Variants in DCAF6 observed in about 807,000 individuals in gnomAD.
DCAF6 encodes DDB1 and CUL4 associated factor 6, also known as DDB1- and CUL4-associated factor 6.
In DCAF6, 54 loss-of-function variants were observed where a neutral mutation model predicts 125.1. The ratio of observed to expected loss-of-function variants is 0.43; its 90% confidence interval spans 0.35 to 0.54. The LOEUF is 0.54. DCAF6 is among the 20% of genes least tolerant of loss of function. The pLI is 0.01. For synonymous variants in DCAF6, 371 were observed against 390.4 expected, an observed-to-expected ratio of 0.95 and a Z score of 0.58; for missense variants, 934 against 1,161.7, an observed-to-expected ratio of 0.80 and a Z score of 2.85.
chr1:167,946,324 G>A (rs1673087607), intron 1 of DCAF6, among the ~76,000 whole-genome samples: 2 of 152,244 alleles, frequency 1.3e-5, no homozygotes, highest in South Asian at 4.1e-4. Flanking sequence ...AGGAAACAGG[G>A]ATAATTTGAC....
At chr1:167,918,349 C>A in the DCAF6 span, 1 of 1,554,986 alleles carries the variant, frequency 6.4e-7, no homozygotes, top group South Asian at 1.1e-5. Flanking sequence ...GCTTTTAGTT[C>A]TTGGTTATAT....
At chr1:168,074,237 G>T (rs1013012705) in intron 21 of DCAF6, among the ~76,000 whole-genome samples, 1 of 151,910 alleles carries the variant, frequency 6.6e-6, no homozygotes, top group Non-Finnish European at 1.5e-5. Context: ...GATCCAGTGG[G>T]AGCATTTAAT....
At chr1:167,896,867 T>C in the DCAF6 span, among the ~76,000 whole-genome samples, 2 of 152,214 alleles carry the variant, frequency 1.3e-5, no homozygotes, top group Non-Finnish European at 2.9e-5. Flanking sequence ...CTAAAAAATC[T>C]TTCCAATTAC....
chr1:167,936,082 G>A, upstream of DCAF6: 2 of 565,014 alleles, frequency 3.5e-6, no homozygotes, highest in Non-Finnish European at 6.4e-6. Context: ...TCCGGCCCCC[G>A]GCAGGAGAGA....
chr1:167,870,518 C>A, the DCAF6 span: 6 of 988,320 alleles, frequency 6.1e-6, no homozygotes, highest in South Asian at 1.4e-5. Context: ...TTGGGCCAGG[C>A]GCTGTGGCTC....
the DCAF6 span, among the ~76,000 whole-genome samples, chr1:167,885,442 C>T: frequency 0.17 from 25,308 of 152,138 alleles, 2,561 homozygotes; most frequent in South Asian, 0.31. Context: ...CACATCCTGT[C>T]CAGCGTTTGT....
At chr1:167,993,755 AAAC>A (rs34875817) in intron 7 of DCAF6, among the ~76,000 whole-genome samples, 35 of 151,644 alleles carry the variant, frequency 2.3e-4, no homozygotes, top group East Asian at 3.9e-4. Context: ...GTCTCAGAAA[AAAC>A]AACAACAACA....
intron 7 of DCAF6, among the ~76,000 whole-genome samples, chr1:167,998,229 G>A (rs1163003505): frequency 2.0e-5 from 3 of 152,164 alleles, no homozygotes; most frequent in East Asian, 3.8e-4. Flanking sequence ...TGTTAAGTGT[G>A]CAATAGCATT....
chr1:168,045,251 G>A (rs762667307), intron 16 of DCAF6, 24 bp downstream of exon 16: 1 of 1,555,332 alleles, frequency 6.4e-7, no homozygotes, highest in Non-Finnish European at 8.7e-7. Flanking sequence ...TAATTAACAT[G>A]AACTGTAAAA....
the DCAF6 span, among the ~76,000 whole-genome samples, chr1:167,922,286 T>C: frequency 6.6e-6 from 1 of 152,136 alleles, no homozygotes; most frequent in African/African-American, 2.4e-5. Context: ...AGAAGGCATT[T>C]ATGAGTATAT....
chr1:168,049,145 C>T (rs901960361), intron 16 of DCAF6, among the ~76,000 whole-genome samples: 1 of 152,124 alleles, frequency 6.6e-6, no homozygotes, highest in Non-Finnish European at 1.5e-5. Flanking sequence ...TAAAATTAGT[C>T]CTAATGTCAA....
At chr1:167,966,750 A>T in intron 3 of DCAF6, 29 bp downstream of exon 3, 1 of 1,339,766 alleles carries the variant, frequency 7.5e-7, no homozygotes, top group Non-Finnish European at 1.1e-6. Flanking sequence ...TCTGTAATTT[A>T]ATGAGAGAAA....
At chr1:167,899,344 C>G in the DCAF6 span, 4 of 1,402,142 alleles carry the variant, frequency 2.9e-6, no homozygotes, top group South Asian at 4.7e-5. Context: ...ATGAAACCAG[C>G]GTGCCCAGTG....
chr1:167,884,149 A>G, the DCAF6 span, among the ~76,000 whole-genome samples: 4 of 152,210 alleles, frequency 2.6e-5, no homozygotes, highest in African/African-American at 7.2e-5. Flanking sequence ...GTATGGTTGT[A>G]TTAGTCCGTT....
chr1:167,892,398 G>C, the DCAF6 span, among the ~76,000 whole-genome samples: 1 of 152,124 alleles, frequency 6.6e-6, no homozygotes, highest in Non-Finnish European at 1.5e-5. Flanking sequence ...GTCTGGTTTT[G>C]GTAAAGTTGT....
intron 12 of DCAF6, among the ~76,000 whole-genome samples, chr1:168,025,135 CAG>C (rs1028171538): frequency 4.6e-5 from 7 of 152,078 alleles, no homozygotes; most frequent in African/African-American, 1.4e-4. Flanking sequence ...ATATCACTAT[CAG>C]AGATTTTATA....
intron 7 of DCAF6, among the ~76,000 whole-genome samples, chr1:167,997,015 C>T (rs1004045758): frequency 3.9e-5 from 6 of 152,202 alleles, no homozygotes; most frequent in Admixed American, 1.3e-4. Context: ...TTTGCTCCAT[C>T]GGGCTGTAAA....
chr1:167,981,370 A>G (rs1464142287), intron 4 of DCAF6, among the ~76,000 whole-genome samples: 1 of 151,698 alleles, frequency 6.6e-6, no homozygotes, highest in Non-Finnish European at 1.5e-5. Flanking sequence ...TTATGGATTC[A>G]TTTTTTTCCT....
chr1:167,876,424 T>G, the DCAF6 span, among the ~76,000 whole-genome samples: 1 of 152,136 alleles, frequency 6.6e-6, no homozygotes, highest in African/African-American at 2.4e-5. Context: ...CATAACACTA[T>G]CTCTTGAAGA....
Sources: gnomAD v4.1 joint callset for allele counts (sites outside exome capture counted in the v4.1 genomes callset) on GRCh38, gnomAD v4.1.1 for gene constraint, MANE v1.5 for transcripts, NCBI Gene and HGNC (gene_info 2026-07-23, HGNC 2026-07-21) for gene names.